CHST11: variants seen among roughly 807,000 people sequenced by gnomAD.
CHST11 encodes the protein carbohydrate sulfotransferase 11.
CHST11 carries 9 observed loss-of-function variants against 30.4 expected under a neutral mutation model. The observed-to-expected ratio is 0.30, with a 90% CI of 0.18 to 0.52. CHST11 has a LOEUF of 0.52. Among genes scored for constraint, CHST11 ranks in the 20% least tolerant of loss-of-function variants. CHST11 has a pLI of 0.97. For synonymous variants in CHST11, 152 were observed against 187.8 expected, an observed-to-expected ratio of 0.81 and a Z score of 1.56; for missense variants, 348 against 460.6, an observed-to-expected ratio of 0.76 and a Z score of 2.24.
At chr12:104,749,425 T>C (rs1295858257) in intron 2 of CHST11, among the ~76,000 whole-genome samples, 1 of 152,182 alleles carries the variant, frequency 6.6e-6, no homozygotes, top group East Asian at 1.9e-4. Context: ...ATACTGCACA[T>C]ATGTCCTTTG....
At chr12:104,628,720 C>A (rs1012536118) in intron 2 of CHST11, among the ~76,000 whole-genome samples, 8 of 152,248 alleles carry the variant, frequency 5.3e-5, no homozygotes, top group Non-Finnish European at 1.5e-5. Context: ...TGCCACCGGG[C>A]CTTTGCACCT....
At chr12:104,739,701 G>A (rs1193049074) in intron 2 of CHST11, among the ~76,000 whole-genome samples, 1 of 152,222 alleles carries the variant, frequency 6.6e-6, no homozygotes, top group African/African-American at 2.4e-5. Context: ...GCAGCTGTGG[G>A]TCAAGTGACA....
At chr12:104,511,666 C>T (rs564822949) in intron 1 of CHST11, among the ~76,000 whole-genome samples, 2 of 152,238 alleles carry the variant, frequency 1.3e-5, no homozygotes, top group Non-Finnish European at 2.9e-5. Flanking sequence ...AAGGGAATGA[C>T]CTTGGGCAGA....
intron 2 of CHST11, among the ~76,000 whole-genome samples, chr12:104,649,053 T>C (rs1234084326): frequency 1.3e-5 from 2 of 151,684 alleles, no homozygotes; most frequent in Non-Finnish European, 2.9e-5. Context: ...GAAACAGAGG[T>C]CAGCCAGCTG....
chr12:104,687,312 A>C (rs1409374547), intron 2 of CHST11, among the ~76,000 whole-genome samples: 2 of 152,256 alleles, frequency 1.3e-5, no homozygotes, highest in African/African-American at 2.4e-5. Flanking sequence ...CACCTTACAC[A>C]TCAGAGGCAC....
chr12:104,696,823 G>C (rs1421960972), intron 2 of CHST11, among the ~76,000 whole-genome samples: 1 of 152,114 alleles, frequency 6.6e-6, no homozygotes, highest in Non-Finnish European at 1.5e-5. Context: ...TCTGGACCCA[G>C]ATACAATATG....
intron 1 of CHST11, among the ~76,000 whole-genome samples, chr12:104,537,057 G>A (rs777350977): frequency 2.3e-4 from 35 of 152,328 alleles, no homozygotes; most frequent in Non-Finnish European, 4.4e-4. Flanking sequence ...CATGTGCATG[G>A]CTGCCCTCTG....
At chr12:104,669,975 C>T (rs1472395418) in intron 2 of CHST11, among the ~76,000 whole-genome samples, 1 of 152,272 alleles carries the variant, frequency 6.6e-6, no homozygotes, top group Non-Finnish European at 1.5e-5. Context: ...AGAAATTGCT[C>T]AACTCAACAA....
intron 2 of CHST11, among the ~76,000 whole-genome samples, chr12:104,675,540 A>G (rs1240509071): frequency 6.6e-6 from 1 of 152,240 alleles, no homozygotes; most frequent in Non-Finnish European, 1.5e-5. Context: ...AAATGAATGA[A>G]TGAATGAACC....
At chr12:104,717,654 C>T (rs1364395793) in intron 2 of CHST11, among the ~76,000 whole-genome samples, 1 of 152,144 alleles carries the variant, frequency 6.6e-6, no homozygotes, top group Non-Finnish European at 1.5e-5. Context: ...GCCTGTAGTC[C>T]CAGCTACTCT....
intron 2 of CHST11, among the ~76,000 whole-genome samples, chr12:104,626,820 T>A (rs991612170): frequency 2.6e-5 from 4 of 151,854 alleles, no homozygotes; most frequent in African/African-American, 7.3e-5. Context: ...TCCACTGAAG[T>A]GGTCCATTTG....
At position 104,758,722 on chromosome 12, in the gene CHST11, A is replaced by G. The variant is rs2040500172; in HGVS notation, c.*919A>G. On this transcript the variant is annotated 3_prime_UTR_variant, in exon 3 of 3. Coordinates refer to ENST00000303694, the MANE Select transcript of CHST11 (RefSeq NM_018413.6). ...CATGAGGTTTGGACTATTCATGAGC[A>G]ACAGCAGAAGGTCCATGACCCCTAC... 1 of 152,220 alleles carries G rather than the reference A, an allele frequency of 6.6e-6. No individual in the cohort carries two copies. The highest frequency in any genetic ancestry group is 1.5e-5 in the Non-Finnish European group (1 of 68,030). 9.4% of individuals were successfully genotyped at this position (152,220 alleles called of 1,614,324 possible).
At chr12:104,681,825 C>CTTTTTTTTTTTTTTTTTTTTTTT (rs149441295) in intron 2 of CHST11, among the ~76,000 whole-genome samples, 3 of 85,086 alleles carry the variant, frequency 3.5e-5, no homozygotes, top group East Asian at 4.1e-4. Flanking sequence ...GTCTGTTTTG[C>CTTTTTTTTTTTTTTTTTTTTTTT]TTTTTTTTTT....
chr12:104,503,155 CG>C (rs1220864909), intron 1 of CHST11, among the ~76,000 whole-genome samples: 1 of 152,200 alleles, frequency 6.6e-6, no homozygotes, highest in East Asian at 1.9e-4. Flanking sequence ...ATCCAGACAT[CG>C]TCAGGGTGGT....
At chr12:104,544,138 AAAAGAAAGAAAGAAAGAAAGAAAGAAAG>A (rs59116085) in intron 1 of CHST11, among the ~76,000 whole-genome samples, 1 of 71,728 alleles carries the variant, frequency 1.4e-5, no homozygotes, top group Non-Finnish European at 2.6e-5. Context: ...AAAAAAAAAA[AAAAGAAAGAAAGAAAGAAAGAAAGAAAG>A]AAAGAAAGAA....
At chr12:104,492,585 T>C (rs998914399) in intron 1 of CHST11, among the ~76,000 whole-genome samples, 2 of 152,222 alleles carry the variant, frequency 1.3e-5, no homozygotes, top group Non-Finnish European at 2.9e-5. Flanking sequence ...AATAAATCCC[T>C]TTTAATGCCC....
intron 1 of CHST11, among the ~76,000 whole-genome samples, chr12:104,575,975 A>T (rs906196025): frequency 2.0e-5 from 3 of 151,686 alleles, no homozygotes; most frequent in African/African-American, 7.3e-5. Flanking sequence ...CCACCCTGTG[A>T]TTACAAACCA....
intron 1 of CHST11, among the ~76,000 whole-genome samples, chr12:104,592,994 A>C (rs1270216611): frequency 1.3e-5 from 2 of 152,140 alleles, no homozygotes; most frequent in Non-Finnish European, 2.9e-5. Flanking sequence ...TTCAAAGCTG[A>C]GTATTAGAGT....
At chr12:104,493,220 G>A (rs990586996) in intron 1 of CHST11, among the ~76,000 whole-genome samples, 10 of 152,214 alleles carry the variant, frequency 6.6e-5, no homozygotes, top group African/African-American at 2.4e-4. Flanking sequence ...AATGCAGATG[G>A]CCTCAGCCAT....
Sources: gnomAD v4.1 joint callset for allele counts (sites outside exome capture counted in the v4.1 genomes callset) on GRCh38, gnomAD v4.1.1 for gene constraint, MANE v1.5 for transcripts, NCBI Gene and HGNC (gene_info 2026-07-23, HGNC 2026-07-21) for gene names.